Variants in CACNB4 observed in about 807,000 individuals in gnomAD.
The protein encoded by CACNB4 is voltage-dependent L-type calcium channel subunit beta-4.
In CACNB4, 32 loss-of-function variants were observed where a neutral mutation model predicts 71.2. The ratio of observed to expected loss-of-function variants is 0.45; its 90% CI spans 0.34 to 0.60. The LOEUF (loss-of-function observed/expected upper bound fraction) is 0.60, where lower values mean the gene tolerates loss of function less well. Ranked by LOEUF, CACNB4 falls within the 20% of genes least tolerant of loss-of-function variation. The pLI is 0.01. For synonymous variants in CACNB4, 231 were observed against 236.9 expected (o/e 0.97, Z 0.23); for missense variants, 464 against 647.9 (o/e 0.72, Z 3.08).
At chr2:152,006,676 A>G (rs548955486) in intron 2 of CACNB4, among the ~76,000 whole-genome samples, 1 of 152,214 alleles carries the variant, frequency 6.6e-6, no homozygotes, top group South Asian at 2.1e-4. Context: ...GATTACAGGC[A>G]TGAGACACCA....
chr2:152,039,235 G>A (rs564683185), intron 2 of CACNB4, among the ~76,000 whole-genome samples: 5 of 152,030 alleles, frequency 3.3e-5, no homozygotes, highest in Non-Finnish European at 5.9e-5. Context: ...TGGCCAAGAT[G>A]GTGAAACCCC....
chr2:151,888,991 C>T (rs566581850), intron 2 of CACNB4, among the ~76,000 whole-genome samples: 7 of 152,274 alleles, frequency 4.6e-5, no homozygotes, highest in South Asian at 4.1e-4. Context: ...GACTACTATG[C>T]TGAATTTTTA....
At chr2:151,973,427 C>T in intron 2 of CACNB4, 1 of 543,870 alleles carries the variant, frequency 1.8e-6, no homozygotes, top group Admixed American at 3.1e-5. Context: ...ATTCAAACAG[C>T]CTACACTCTT....
At chr2:151,870,736 A>C (rs2099844416) in intron 7 of CACNB4, 106 bp downstream of exon 7, 1 of 1,202,590 alleles carries the variant, frequency 8.3e-7, no homozygotes, top group Non-Finnish European at 1.2e-6. Flanking sequence ...CCCACCGAGG[A>C]GGCTCTTCCC....
At chr2:151,975,421 C>T (rs183092228) in intron 2 of CACNB4, among the ~76,000 whole-genome samples, 1 of 152,294 alleles carries the variant, frequency 6.6e-6, no homozygotes, top group East Asian at 1.9e-4. Flanking sequence ...AATACCTAGT[C>T]CACTGTCAAA....
intron 2 of CACNB4, among the ~76,000 whole-genome samples, chr2:151,897,973 A>C (rs1281152504): frequency 6.6e-6 from 1 of 152,306 alleles, no homozygotes; most frequent in East Asian, 1.9e-4. Flanking sequence ...CTCTTCAAAA[A>C]GGGATAGAAA....
At chr2:151,960,209 T>C (rs926901725) in intron 2 of CACNB4, among the ~76,000 whole-genome samples, 2 of 152,230 alleles carry the variant, frequency 1.3e-5, no homozygotes, top group Non-Finnish European at 2.9e-5. Context: ...TGTCTCTGTA[T>C]ACCATATGCC....
intron 2 of CACNB4, among the ~76,000 whole-genome samples, chr2:152,045,502 G>GGT (rs1162376017): frequency 6.6e-6 from 1 of 152,050 alleles, no homozygotes; most frequent in African/African-American, 2.4e-5. Flanking sequence ...GTAGAAGAGT[G>GGT]GTCACCAGGA....
intron 2 of CACNB4, among the ~76,000 whole-genome samples, chr2:151,890,979 T>C (rs887657256): frequency 2.6e-5 from 4 of 152,200 alleles, no homozygotes; most frequent in African/African-American, 9.6e-5. Flanking sequence ...ACCACTTATT[T>C]ACAGATTATT....
intron 2 of CACNB4, among the ~76,000 whole-genome samples, chr2:151,904,866 A>C (rs758924865): frequency 2.6e-5 from 4 of 152,176 alleles, no homozygotes; most frequent in African/African-American, 4.8e-5. Flanking sequence ...ATTTGAAATA[A>C]ATACAGTCCA....
intron 2 of CACNB4, among the ~76,000 whole-genome samples, chr2:151,959,091 TC>T (rs1277101428): frequency 6.6e-6 from 1 of 152,202 alleles, no homozygotes; most frequent in East Asian, 1.9e-4. Flanking sequence ...CCAAAGTCTA[TC>T]AACATCCTTG....
chr2:152,076,467 T>G (rs1041561130), intron 2 of CACNB4, among the ~76,000 whole-genome samples: 1 of 152,048 alleles, frequency 6.6e-6, no homozygotes, highest in African/African-American at 2.4e-5. Context: ...TGGCCGCTTT[T>G]CATTTTTGTC....
rs1019805978 is a variant in CACNB4, at chr2:152,021,119, C to G, written c.147+77211G>C. Among the ~76,000 whole-genome samples, 3 of 152,008 alleles carry G rather than the reference C, an allele frequency of 2.0e-5. No homozygotes were observed. The South Asian group carries it at 6.2e-4, about 32-fold the overall frequency. ...ACACCACACCAGGTGTGGTGGCGAG[C>G]GCCTGTAGTCCCAGCTATTCTGGAG... is the stretch of plus-strand genomic sequence containing the variant. On this transcript the variant is annotated intron_variant, in intron 2 of 13. Transcript: ENST00000539935.
At chr2:151,935,165 C>T (rs2099862612) in intron 2 of CACNB4, among the ~76,000 whole-genome samples, 1 of 152,170 alleles carries the variant, frequency 6.6e-6, no homozygotes, top group African/African-American at 2.4e-5. Context: ...GACTCACTTG[C>T]ATAGTATTAT....
intron 2 of CACNB4, among the ~76,000 whole-genome samples, chr2:151,895,290 A>T (rs760382548): frequency 9.2e-5 from 14 of 151,788 alleles, no homozygotes; most frequent in Non-Finnish European, 1.9e-4. Flanking sequence ...TTTAAAAAGC[A>T]TGCCTCATTT....
At chr2:152,047,030 T>G (rs998940088) in intron 2 of CACNB4, among the ~76,000 whole-genome samples, 13 of 152,064 alleles carry the variant, frequency 8.5e-5, no homozygotes, top group African/African-American at 2.9e-4. Flanking sequence ...AAAGAAAAAT[T>G]TGAGTCCCTT....
At chr2:151,893,393 C>T (rs2099851220) in intron 2 of CACNB4, among the ~76,000 whole-genome samples, 1 of 152,216 alleles carries the variant, frequency 6.6e-6, no homozygotes, top group Non-Finnish European at 1.5e-5. Context: ...AGGCATGTGC[C>T]ATCATGCAAA....
At chr2:151,862,209 T>C (rs939272458) in intron 9 of CACNB4, among the ~76,000 whole-genome samples, 3 of 152,218 alleles carry the variant, frequency 2.0e-5, no homozygotes, top group Non-Finnish European at 2.9e-5. Context: ...CTGAAACATA[T>C]GTCATTTCAT....
intron 2 of CACNB4, chr2:151,969,128 C>T (rs1194826338): frequency 6.6e-6 from 1 of 152,210 alleles, no homozygotes; most frequent in Non-Finnish European, 1.5e-5. Context: ...AGTCAAATTC[C>T]CTACACAAAC....
Sources: gnomAD v4.1 joint callset for allele counts (sites outside exome capture counted in the v4.1 genomes callset) on GRCh38, gnomAD v4.1.1 for gene constraint, MANE v1.5 for transcripts, NCBI Gene and HGNC (gene_info 2026-07-23, HGNC 2026-07-21) for gene names.